PEAR1: variants seen among roughly 807,000 people sequenced by gnomAD.
The protein encoded by PEAR1 is multiple EGF-like domains protein 12.
PEAR1 carries 113 observed loss-of-function variants against 131.2 expected under a neutral mutation model. The ratio of observed to expected loss-of-function variants is 0.86; its 90% CI spans 0.74 to 1.01. The LOEUF is 1.01. Ranked by LOEUF, PEAR1 falls within the 50% of genes least tolerant of loss-of-function variation. PEAR1 has a pLI of 0.00. For missense variants in PEAR1, 1,408 were observed against 1,391.1 expected, an observed-to-expected ratio of 1.01 and a Z score of -0.19; for synonymous variants, 565 against 523.3, an observed-to-expected ratio of 1.08 and a Z score of -1.09.
chr1:156,914,897 C>T lies in PEAR1; in HGVS notation c.*99C>T, dbSNP rs1651726709. 1 of 1,376,808 alleles carries T rather than the reference C, an allele frequency of 7.3e-7. No homozygotes were observed. The highest frequency in any genetic ancestry group is 9.9e-7 in the Non-Finnish European group (1 of 1,008,958). 85.3% of individuals were successfully genotyped at this position (1,376,808 alleles called of 1,614,324 possible). On this transcript the variant is annotated 3_prime_UTR_variant, in exon 23 of 23. Transcript: ENST00000292357. ...ACCCCTGCCAGGAGCAGGGAGTGGACCGGCAGGCTGTGAACATGAACAACG... is the reference window on the plus strand; with the variant it reads ...ACCCCTGCCAGGAGCAGGGAGTGGATCGGCAGGCTGTGAACATGAACAACG...
chr1:156,909,183 A>T, intron 11 of PEAR1, 147 bp downstream of exon 11: 4 of 1,095,566 alleles, frequency 3.7e-6, no homozygotes, highest in Non-Finnish European at 5.2e-6. Flanking sequence ...GAAAGTATCC[A>T]GGCTACTTTC....
At chr1:156,913,546 C>T in intron 20 of PEAR1, 23 bp downstream of exon 20, 1 of 1,610,420 alleles carries the variant, frequency 6.2e-7, no homozygotes, top group African/African-American at 1.3e-5. Flanking sequence ...AGGCCAGGGT[C>T]TCTGGCGCGG....
intron 1 of PEAR1, among the ~76,000 whole-genome samples, chr1:156,901,732 G>T (rs1649699660): frequency 6.6e-6 from 1 of 152,198 alleles, no homozygotes; most frequent in African/African-American, 2.4e-5. Flanking sequence ...TGAGGCAGAG[G>T]CATATGGAGG....
intron 1 of PEAR1, among the ~76,000 whole-genome samples, chr1:156,901,221 A>G (rs1558124917): frequency 2.0e-5 from 3 of 152,180 alleles, no homozygotes; most frequent in Non-Finnish European, 4.4e-5. Flanking sequence ...ACCTTTGGGA[A>G]AACAGAACCT....
At chr1:156,911,037 T>TTTTA (rs1651014460) in intron 15 of PEAR1, among the ~76,000 whole-genome samples, 1 of 113,274 alleles carries the variant, frequency 8.8e-6, no homozygotes. Flanking sequence ...CTTGATTTCT[T>TTTTA]TTTCTTTCTT....
chr1:156,905,277 G>A (rs766885519), intron 3 of PEAR1, 47 bp from the exon 4 acceptor site: 2 of 1,579,008 alleles, frequency 1.3e-6, no homozygotes, highest in South Asian at 2.2e-5. Context: ...ACTGTGGTGA[G>A]TGCGGACAGC....
At chr1:156,909,671 T>C in intron 11 of PEAR1, 80 bp from the exon 12 acceptor site, 1 of 1,462,264 alleles carries the variant, frequency 6.8e-7, no homozygotes, top group Non-Finnish European at 9.3e-7. Context: ...GCATAGAATC[T>C]GGCCCAGCCA....
chr1:156,908,463 G>A lies in PEAR1; in HGVS notation c.1115+123G>A, dbSNP rs1650629987. 2 of 1,291,730 alleles carry A rather than the reference G, an allele frequency of 1.5e-6. No homozygotes were observed. Among genetic ancestry groups the A allele is most frequent in the African/African-American group, 1.5e-5 (1 of 66,920 alleles). The allele number at this position is 1,291,730 out of a possible 1,614,324, so 80.0% of individuals were successfully genotyped here. ...AGGTGTCACAGAAGGGGAAAGGGAG[G>A]GACCTCAGGGGCCGGGAGGGGCCTG... On this transcript the variant is annotated intron_variant, in intron 9 of 22. Transcript: ENST00000292357. This position sits in a 1 kb window ranked among gnomAD's most constrained non-coding sequence, Gnocchi z 4.2.
intron 1 of PEAR1, among the ~76,000 whole-genome samples, chr1:156,897,367 G>A (rs1053720357): frequency 1.3e-5 from 2 of 152,242 alleles, no homozygotes; most frequent in East Asian, 1.9e-4. Flanking sequence ...GTCCAACCTG[G>A]TGGGGAAACC....
chr1:156,910,773 C>A lies in PEAR1; in HGVS notation c.1951+30C>A, dbSNP rs748597788. The A allele has an allele frequency of 4.4e-5, 71 of 1,612,616 alleles. No individual in the cohort carries two copies. The East Asian group carries it at 1.4e-3, about 32-fold the overall frequency. On this transcript the variant is annotated intron_variant, in intron 15 of 22. Transcript: ENST00000292357. Reference sequence around the variant, plus strand: ...GTGGTAGCTTGTGTGTCTGAGCATACGTGCATGCTGAGAGGGGGTGCTGAG... The same window carrying A: ...GTGGTAGCTTGTGTGTCTGAGCATAAGTGCATGCTGAGAGGGGGTGCTGAG...
Position 156,914,014 on chromosome 1 carries a change from C to T in PEAR1, c.2876C>T (p.Pro959Leu). Reference sequence around the variant, plus strand: ...TCAGGATCTCCCCCCAGGCAGCCTCCTCAGTTCTGGGACAGCCAGAGGCGG... The same window carrying T: ...TCAGGATCTCCCCCCAGGCAGCCTCTTCAGTTCTGGGACAGCCAGAGGCGG... ...PPSGSPPRQP[P>L]QFWDSQRRRQ... Residue 959 changes from proline to leucine, a missense_variant, in exon 22 of 23, where the codon CCT becomes CTT. Transcript: ENST00000292357. 2 of 1,612,630 alleles carry T rather than the reference C, an allele frequency of 1.2e-6. No individual in the cohort carries two copies. Among genetic ancestry groups the T allele is most frequent in the Non-Finnish European group, 1.7e-6 (2 of 1,179,414 alleles).
In PEAR1 at chr1:156,913,949, C is replaced by A. The variant is rs140342582; in HGVS notation, c.2811C>A (p.Gly937=). Residue 937 remains glycine (G), a synonymous_variant, in exon 22 of 23, where the codon GGC becomes GGA. Coordinates refer to ENST00000292357, the MANE Select transcript of PEAR1 (RefSeq NM_001080471.3). ...TIRDLPSLPG[G]PRESSYMEMK... ...GGGACCTGCCCAGCTTGCCAGGGGGCCCCCGGGAGAGCAGCTACATGGAGA... is the reference window on the plus strand; with the variant it reads ...GGGACCTGCCCAGCTTGCCAGGGGGACCCCGGGAGAGCAGCTACATGGAGA... The A allele has an allele frequency of 8.7e-6, 14 of 1,613,888 alleles. No individual in the cohort carries two copies. The highest frequency in any genetic ancestry group is 1.7e-5 in the Admixed American group (1 of 59,998).
chr1:156,905,021 T>C lies in PEAR1; in HGVS notation c.206+169T>C, dbSNP rs577346533. 6.5e-6 allele frequency: 10 copies of C among 1,543,276 alleles called. No individual in the cohort carries two copies. In the East Asian group the frequency reaches 2.2e-4, roughly 34 times the overall value. ...CGGGTACGTGTGTATGGGATGTATATGTGAATGCGTGTATGTGTGTTTAGG... is the reference window on the plus strand; with the variant it reads ...CGGGTACGTGTGTATGGGATGTATACGTGAATGCGTGTATGTGTGTTTAGG... On this transcript the variant is annotated intron_variant, in intron 3 of 22. Coordinates refer to ENST00000292357, the MANE Select transcript of PEAR1 (RefSeq NM_001080471.3).
Position 156,908,102 on chromosome 1 carries a change from C to A in PEAR1, c.903-26C>A. 1 of 1,588,038 alleles carries A rather than the reference C, an allele frequency of 6.3e-7. No individual in the cohort carries two copies. The highest frequency in any genetic ancestry group is 1.7e-5 in the Admixed American group (1 of 57,416). On this transcript the variant is annotated intron_variant, in intron 8 of 22. Coordinates refer to ENST00000292357, the MANE Select transcript of PEAR1 (RefSeq NM_001080471.3). The surrounding 1 kb of genome is among the most constrained non-coding windows in gnomAD (Gnocchi z 4.2). ...ACGGGAGGGAGGAGGTGGGGCGCCG[C>A]CAGGCTCACTCAGCTAGGTGCCCAG...
intron 1 of PEAR1, among the ~76,000 whole-genome samples, chr1:156,895,252 G>T (rs1434966635): frequency 6.6e-6 from 1 of 152,182 alleles, no homozygotes; most frequent in African/African-American, 2.4e-5. Flanking sequence ...GGAAACTCAC[G>T]CTCCAGGCAG....
chr1:156,913,264 C>A lies in PEAR1; in HGVS notation c.2493C>A (p.Asn831Lys), dbSNP rs147826153. 8.1e-6 allele frequency: 13 copies of A among 1,607,628 alleles called. No homozygotes were observed. In the Middle Eastern group the frequency reaches 5.0e-4, roughly 62 times the overall value. ...SYHTLSQCSP[N>K]PPPPNKVPGP... ...ACACCCTGTCGCAGTGCTCCCCAAA[C>A]CCCCCACCCCCTAACAAGGTCAGTG... Residue 831 changes from asparagine (N) to lysine (K), a missense_variant, in exon 19 of 23, where the codon AAC becomes AAA. Transcript: ENST00000292357.
chr1:156,913,521 G>C lies in PEAR1; in HGVS notation c.2642G>C (p.Arg881Thr). 3.1e-6 allele frequency: 5 copies of C among 1,612,382 alleles called. No individual in the cohort carries two copies. The highest frequency in any genetic ancestry group is 3.4e-6 in the Non-Finnish European group (4 of 1,179,944). Residue 881 changes from arginine to threonine, a missense_variant and splice_region_variant, in exon 20 of 23, where the codon AGG becomes ACG. Arg to Thr is a moderately conservative substitution (Grantham distance 71, BLOSUM62 -1). Transcript: ENST00000292357. ...GAGCCCCCTCCAGGGCCTCTGGACA[G>C]GGGTAGGTGCCGGGAGGCCAGGGTC... ...RREPPPGPLDRGSSRLDRSYS... is the reference protein window; with the variant it reads ...RREPPPGPLDTGSSRLDRSYS...
chr1:156,897,010 G>A (rs926505840), intron 1 of PEAR1, among the ~76,000 whole-genome samples: 1 of 152,208 alleles, frequency 6.6e-6, no homozygotes, highest in African/African-American at 2.4e-5. Context: ...TGGAGTACGG[G>A]GAGAAGCCAC....
Position 156,908,792 on chromosome 1 carries a change from C to T in PEAR1, c.1253C>T (p.Ala418Val). ...TGCCTGCACGGTGGCGTCTGCCAGGCTACCAGCGGCCTCTGTCAGTGCGCG... is the reference window on the plus strand; with the variant it reads ...TGCCTGCACGGTGGCGTCTGCCAGGTTACCAGCGGCCTCTGTCAGTGCGCG... Reference protein sequence around the residue: ...CLCLHGGVCQATSGLCQCAPG... With the variant: ...CLCLHGGVCQVTSGLCQCAPG... The change falls in exon 10 of 23, where the codon GCT (alanine) becomes GTT (valine). Residue 418 changes from alanine (A) to valine (V), a missense_variant. By Grantham distance (64) the Ala-to-Val change is moderately conservative (BLOSUM62 0). Coordinates refer to ENST00000292357, the MANE Select transcript of PEAR1 (RefSeq NM_001080471.3). The surrounding 1 kb of genome is among the most constrained non-coding windows in gnomAD (Gnocchi z 4.2). The T allele has an allele frequency of 6.2e-7, 1 of 1,606,114 alleles. No homozygotes were observed. The highest frequency in any genetic ancestry group is 1.3e-5 in the African/African-American group (1 of 75,010).
Sources: allele counts gnomAD v4.1 joint callset (sites outside exome capture counted in the v4.1 genomes callset), GRCh38; gene constraint gnomAD v4.1.1; non-coding constraint Gnocchi (gnomAD v3.1); transcripts MANE v1.5; gene names NCBI Gene and HGNC (gene_info 2026-07-23, HGNC 2026-07-21).